Variants in DTNB observed in about 807,000 individuals in gnomAD.
The protein encoded by DTNB is DTN-B.
Under a neutral mutation model 90.7 loss-of-function variants are expected in DTNB, and 63 were observed. The observed-to-expected ratio is 0.69, with a 90% CI of 0.57 to 0.86. The LOEUF is 0.86. DTNB is among the 40% of genes least tolerant of loss of function. The pLI, the probability that DTNB is intolerant of heterozygous loss-of-function variation, is 0.00. For synonymous variants in DTNB, 277 were observed against 286.7 expected (o/e 0.97, Z 0.34); for missense variants, 744 against 807.1 (o/e 0.92, Z 0.95).
At chr2:25,569,821 G>A (rs1206202065) in intron 8 of DTNB, among the ~76,000 whole-genome samples, 1 of 152,126 alleles carries the variant, frequency 6.6e-6, no homozygotes, top group Non-Finnish European at 1.5e-5. Context: ...ATGGTGGCCG[G>A]GCGTGGTGGC....
intron 14 of DTNB, 55 bp downstream of exon 14, chr2:25,432,831 T>A: frequency 6.6e-7 from 1 of 1,524,672 alleles, no homozygotes; most frequent in Non-Finnish European, 8.9e-7. Flanking sequence ...TTTCCTCAGA[T>A]AAGTTCCATC....
At chr2:25,399,377 G>C (rs2043156876) in intron 16 of DTNB, 1 of 78,964 alleles carries the variant, frequency 1.3e-5, no homozygotes, top group South Asian at 3.6e-4. Context: ...ACAGGATCTT[G>C]CTGTTTCCCA....
chr2:25,524,672 A>G (rs1394156289), intron 9 of DTNB, among the ~76,000 whole-genome samples: 1 of 152,090 alleles, frequency 6.6e-6, no homozygotes, highest in Admixed American at 6.5e-5. Context: ...GCACAGAAGA[A>G]TGGCTCTGAG....
At chr2:25,413,766 A>G (rs2047194721) in intron 16 of DTNB, among the ~76,000 whole-genome samples, 1 of 152,214 alleles carries the variant, frequency 6.6e-6, no homozygotes, top group Admixed American at 6.5e-5. Flanking sequence ...TTATAGCAGC[A>G]TGATTTATAA....
chr2:25,520,194 C>T (rs1369688241), intron 9 of DTNB, among the ~76,000 whole-genome samples: 5 of 152,126 alleles, frequency 3.3e-5, no homozygotes, highest in Admixed American at 2.6e-4. Flanking sequence ...CCAGCCCGGA[C>T]AACATGGTGA....
intron 4 of DTNB, among the ~76,000 whole-genome samples, chr2:25,620,962 A>T (rs1337692452): frequency 6.6e-6 from 1 of 152,136 alleles, no homozygotes; most frequent in Non-Finnish European, 1.5e-5. Context: ...AGGAGTTCAA[A>T]GTTGCAGTGA....
At chr2:25,646,313 T>TA (rs1004969210) in intron 2 of DTNB, among the ~76,000 whole-genome samples, 1 of 150,568 alleles carries the variant, frequency 6.6e-6, no homozygotes, top group African/African-American at 2.4e-5. Context: ...CCATCTCTAC[T>TA]AAAAAAAAAT....
At chr2:25,546,040 C>G (rs1482746355) in intron 8 of DTNB, among the ~76,000 whole-genome samples, 1 of 152,220 alleles carries the variant, frequency 6.6e-6, no homozygotes, top group East Asian at 1.9e-4. Context: ...CTAGAGGTCA[C>G]ACACATACTC....
chr2:25,599,876 C>A (rs189239321), intron 5 of DTNB, among the ~76,000 whole-genome samples: 74 of 152,252 alleles, frequency 4.9e-4, no homozygotes, highest in Admixed American at 1.9e-3. Flanking sequence ...AGAGGAGAAT[C>A]GCTTGAGCCC....
intron 5 of DTNB, among the ~76,000 whole-genome samples, chr2:25,604,197 CCACCACCAACAA>C (rs1480028891): frequency 1.3e-5 from 2 of 151,968 alleles, no homozygotes; most frequent in Non-Finnish European, 2.9e-5. Context: ...ACCACCACCA[CCACCACCAACAA>C]CAACAAAAAA....
chr2:25,393,664 A>C (rs755272818), intron 16 of DTNB, among the ~76,000 whole-genome samples: 98 of 152,282 alleles, frequency 6.4e-4, no homozygotes, highest in Admixed American at 2.0e-3. Flanking sequence ...AATAAAATAA[A>C]ATACTTAGGA....
intron 8 of DTNB, among the ~76,000 whole-genome samples, chr2:25,552,031 A>G (rs1368933125): frequency 6.6e-6 from 1 of 152,258 alleles, no homozygotes; most frequent in Non-Finnish European, 1.5e-5. Flanking sequence ...TATTTTTGGT[A>G]GAAAACATAA....
At chr2:25,508,775 C>T (rs1470929041) in intron 9 of DTNB, among the ~76,000 whole-genome samples, 2 of 152,106 alleles carry the variant, frequency 1.3e-5, no homozygotes, top group Non-Finnish European at 2.9e-5. Context: ...TTCGGGTGAT[C>T]CACCCACCTC....
intron 3 of DTNB, among the ~76,000 whole-genome samples, chr2:25,633,474 T>C (rs1239177524): frequency 2.6e-5 from 4 of 152,062 alleles, no homozygotes; most frequent in Non-Finnish European, 4.4e-5. Flanking sequence ...CGCTCAATGG[T>C]GCCCAGGCTG....
intron 12 of DTNB, among the ~76,000 whole-genome samples, chr2:25,446,766 C>T (rs1429349285): frequency 5.9e-5 from 9 of 152,148 alleles, no homozygotes; most frequent in Non-Finnish European, 1.3e-4. Context: ...ATATATTCAT[C>T]TGAGAATGAA....
intron 2 of DTNB, among the ~76,000 whole-genome samples, chr2:25,652,293 T>C (rs1170421738): frequency 6.6e-6 from 1 of 152,212 alleles, no homozygotes; most frequent in Admixed American, 6.5e-5. Flanking sequence ...GCAAAGTTCA[T>C]GGTAACAATG....
intron 8 of DTNB, among the ~76,000 whole-genome samples, chr2:25,557,921 A>G (rs1470214724): frequency 6.6e-6 from 1 of 152,242 alleles, no homozygotes; most frequent in Non-Finnish European, 1.5e-5. Context: ...AGAAATGTCC[A>G]TGAGATCTCT....
chr2:25,584,024 G>GA (rs2061973819), intron 6 of DTNB, among the ~76,000 whole-genome samples: 1 of 152,302 alleles, frequency 6.6e-6, no homozygotes, highest in Admixed American at 6.5e-5. Flanking sequence ...GTGATCTGGA[G>GA]AAAATCACTG....
intron 1 of DTNB, among the ~76,000 whole-genome samples, chr2:25,670,011 C>T (rs931109867): frequency 2.0e-5 from 3 of 151,926 alleles, no homozygotes; most frequent in African/African-American, 7.3e-5. Context: ...TGAAGTAAAA[C>T]GCATACCTCT....
Sources: allele counts gnomAD v4.1 joint callset (sites outside exome capture counted in the v4.1 genomes callset), GRCh38; gene constraint gnomAD v4.1.1; transcripts MANE v1.5; gene names NCBI Gene and HGNC (gene_info 2026-07-23, HGNC 2026-07-21).